The following SCAPER variants were observed in gnomAD, a reference collection of about 807,000 sequenced individuals.
SCAPER encodes the protein S phase cyclin A-associated protein in the endoplasmic reticulum.
Under a neutral mutation model 182.2 loss-of-function variants are expected in SCAPER, and 98 were observed. That is an observed-to-expected ratio of 0.54 (90% confidence interval 0.46 to 0.64). The LOEUF is 0.64. Among genes scored for constraint, SCAPER ranks in the 30% least tolerant of loss-of-function variants. The probability of loss-of-function intolerance (pLI) is 0.00; values close to 1 mark genes in which losing one functional copy is unlikely to be tolerated. For synonymous variants in SCAPER, 605 were observed against 564.6 expected (o/e 1.07, Z -1.01); for missense variants, 1,432 against 1,690.0 (o/e 0.85, Z 2.68).
intron 23 of SCAPER, among the ~76,000 whole-genome samples, chr15:76,568,031 G>A (rs2047167683): frequency 6.6e-6 from 1 of 151,584 alleles, no homozygotes; most frequent in Admixed American, 6.6e-5. Context: ...TCAATTTTTT[G>A]TTTATGATGT....
chr15:76,524,689 G>GTTTTTTTTTTTTTTTTT (rs35944222), intron 23 of SCAPER, among the ~76,000 whole-genome samples: 31 of 50,112 alleles, frequency 6.2e-4, no homozygotes, highest in African/African-American at 7.4e-4. Flanking sequence ...TTTTTGTTCT[G>GTTTTTTTTTTTTTTTTT]TTTTTTTTTT....
At chr15:76,532,475 T>G (rs1395694374) in intron 23 of SCAPER, among the ~76,000 whole-genome samples, 1 of 152,130 alleles carries the variant, frequency 6.6e-6, no homozygotes, top group Non-Finnish European at 1.5e-5. Flanking sequence ...GTGCTGGGAT[T>G]ACAGGCGTGA....
At chr15:76,495,993 GACACACAC>G (rs971206080) in intron 24 of SCAPER, among the ~76,000 whole-genome samples, 23 of 58,506 alleles carry the variant, frequency 3.9e-4, no homozygotes, top group Admixed American at 1.9e-3. Context: ...AAAAGAGAGA[GACACACAC>G]ACACACACAC....
chr15:76,450,443 A>G (rs2048297514), intron 25 of SCAPER, among the ~76,000 whole-genome samples: 1 of 152,170 alleles, frequency 6.6e-6, no homozygotes, highest in Admixed American at 6.5e-5. Flanking sequence ...GCCTTTTGGA[A>G]AGAGTATTTT....
intron 21 of SCAPER, among the ~76,000 whole-genome samples, chr15:76,642,004 G>C (rs1324033084): frequency 1.3e-5 from 2 of 152,150 alleles, no homozygotes; most frequent in Non-Finnish European, 2.9e-5. Flanking sequence ...ATGAACCTCA[G>C]TGTTGTCATC....
chr15:76,893,921 T>C (rs1001899521), intron 1 of SCAPER, among the ~76,000 whole-genome samples: 6 of 152,112 alleles, frequency 3.9e-5, no homozygotes, highest in Non-Finnish European at 8.8e-5. Context: ...TAAAAGCAGT[T>C]CTAAGAGGCA....
chr15:76,787,549 CCT>C (rs1350248782), intron 8 of SCAPER, among the ~76,000 whole-genome samples: 1 of 152,056 alleles, frequency 6.6e-6, no homozygotes, highest in Non-Finnish European at 1.5e-5. Context: ...TGGATGTGAA[CCT>C]CTAGACTCAA....
At chr15:76,802,692 A>C (rs1568185080) in intron 6 of SCAPER, among the ~76,000 whole-genome samples, 1 of 152,176 alleles carries the variant, frequency 6.6e-6, no homozygotes, top group Non-Finnish European at 1.5e-5. Context: ...TGTAGGGCTG[A>C]CACATCAGGA....
chr15:76,660,917 ATAAAC>A (rs550958597), intron 21 of SCAPER, among the ~76,000 whole-genome samples: 78 of 152,234 alleles, frequency 5.1e-4, no homozygotes, highest in Admixed American at 4.6e-3. Context: ...AACTGTTTCT[ATAAAC>A]TAGCAAGAAA....
chr15:76,430,409 C>T (rs1269680693), intron 26 of SCAPER, among the ~76,000 whole-genome samples: 1 of 152,196 alleles, frequency 6.6e-6, no homozygotes, highest in African/African-American at 2.4e-5. Flanking sequence ...CAATGCCAGC[C>T]CGTGAAAGCA....
At chr15:76,519,841 A>C (rs1288284484) in intron 23 of SCAPER, among the ~76,000 whole-genome samples, 2 of 152,192 alleles carry the variant, frequency 1.3e-5, no homozygotes, top group Non-Finnish European at 2.9e-5. Flanking sequence ...TTTTTATGAA[A>C]CAAATGTTAG....
chr15:76,672,645 G>T (rs1008335152), intron 20 of SCAPER, among the ~76,000 whole-genome samples: 32 of 151,960 alleles, frequency 2.1e-4, no homozygotes, highest in African/African-American at 6.3e-4. Context: ...AAATAAAAAG[G>T]ATACAATTTT....
At chr15:76,489,859 T>A (rs2052105566) in intron 24 of SCAPER, among the ~76,000 whole-genome samples, 1 of 152,218 alleles carries the variant, frequency 6.6e-6, no homozygotes, top group South Asian at 2.1e-4. Context: ...TGAATTTAAA[T>A]ATTTTAGATA....
chr15:76,533,796 C>T (rs572109987), intron 23 of SCAPER, among the ~76,000 whole-genome samples: 2 of 152,198 alleles, frequency 1.3e-5, no homozygotes, highest in African/African-American at 4.8e-5. Context: ...CCTCCTCTGT[C>T]TATCTATCAG....
At chr15:76,824,573 A>G (rs376390910) in intron 5 of SCAPER, among the ~76,000 whole-genome samples, 208 of 152,362 alleles carry the variant, frequency 1.4e-3, no homozygotes, top group African/African-American at 4.9e-3. Flanking sequence ...TTCTTAAAAC[A>G]TTATTTTTTA....
chr15:76,687,380 C>T (rs535291857), intron 20 of SCAPER, among the ~76,000 whole-genome samples: 1 of 152,120 alleles, frequency 6.6e-6, no homozygotes, highest in African/African-American at 2.4e-5. Flanking sequence ...ATTCTCTTAC[C>T]ATTATCCGAT....
chr15:76,517,874 G>A (rs1361302755), intron 23 of SCAPER, among the ~76,000 whole-genome samples: 1 of 151,776 alleles, frequency 6.6e-6, no homozygotes, highest in East Asian at 1.9e-4. Flanking sequence ...GGGATCCCGA[G>A]CTTTCTTATA....
chr15:76,713,357 T>C (rs1451536652), intron 17 of SCAPER, among the ~76,000 whole-genome samples: 2 of 152,010 alleles, frequency 1.3e-5, no homozygotes, highest in Admixed American at 6.6e-5. Flanking sequence ...CTATTCACAA[T>C]AGCAAAGACT....
chr15:76,651,629 C>CA (rs552478551), intron 21 of SCAPER, among the ~76,000 whole-genome samples: 1,295 of 94,578 alleles, frequency 0.014, 8 homozygotes, highest in East Asian at 0.02. Context: ...ACCTACCAAC[C>CA]AAAAAAAAAA....
Sources: allele counts gnomAD v4.1 joint callset (sites outside exome capture counted in the v4.1 genomes callset), GRCh38; gene constraint gnomAD v4.1.1; transcripts MANE v1.5; gene names NCBI Gene and HGNC (gene_info 2026-07-23, HGNC 2026-07-21).